Variants in SLC35F4 observed in about 807,000 individuals in gnomAD.
SLC35F4 encodes the protein chromosome 14 open reading frame 36.
In SLC35F4, 24 loss-of-function variants were observed where a neutral mutation model predicts 44.2. That is an observed-to-expected ratio of 0.54 (90% confidence interval 0.39 to 0.76). The LOEUF is 0.76. Among genes scored for constraint, SLC35F4 ranks in the 30% least tolerant of loss-of-function variants. The pLI, the probability that SLC35F4 is intolerant of heterozygous loss-of-function variation, is 0.00. For missense variants in SLC35F4, 562 were observed against 586.1 expected (o/e 0.96, Z 0.42); for synonymous variants, 238 against 223.6 (o/e 1.06, Z -0.57).
In SLC35F4 at chr14:57,979,547, T is replaced by G. The variant is rs138104891; in HGVS notation, n.151+2366A>C. Among the ~76,000 whole-genome samples the G allele has an allele frequency of 3.2e-3, 481 of 152,254 alleles. 10 individuals are homozygous for G. The highest frequency in any genetic ancestry group is 0.025 in the Admixed American group (389 of 15,288). The stretch of plus-strand genomic sequence containing the variant: ...CCCTGCTTCAGGATTCCTCTGAAGC[T>G]ACTAGACCATGCAAAGAATACTCAG... On this transcript the variant is annotated intron_variant and non_coding_transcript_variant, in intron 1 of 1. Transcript: ENST00000554648.
intron 1 of SLC35F4, among the ~76,000 whole-genome samples, chr14:57,937,022 G>T (rs563470694): frequency 6.6e-6 from 1 of 151,264 alleles, no homozygotes; most frequent in East Asian, 1.9e-4. Context: ...TTGAGCTTTA[G>T]CCTTACATTT....
intron 1 of SLC35F4, among the ~76,000 whole-genome samples, chr14:57,667,232 G>A (rs2140255753): frequency 6.6e-6 from 1 of 152,036 alleles, no homozygotes; most frequent in South Asian, 2.1e-4. Flanking sequence ...GAGAAGGAGA[G>A]AGACATGTTC....
At chr14:57,875,910 T>C (rs1040450036) in intron 1 of SLC35F4, among the ~76,000 whole-genome samples, 2 of 152,198 alleles carry the variant, frequency 1.3e-5, no homozygotes, top group African/African-American at 4.8e-5. Context: ...GATGAGAATG[T>C]CCTTTCTGCA....
At chr14:57,741,520 C>T (rs201602016) in intron 1 of SLC35F4, among the ~76,000 whole-genome samples, 14 of 148,534 alleles carry the variant, frequency 9.4e-5, no homozygotes, top group South Asian at 6.6e-4. Context: ...TGAAATGAAG[C>T]GAGAAGAGAA....
At chr14:57,585,057 C>T (rs543357486) in intron 3 of SLC35F4, among the ~76,000 whole-genome samples, 1 of 152,140 alleles carries the variant, frequency 6.6e-6, no homozygotes, top group African/African-American at 2.4e-5. Flanking sequence ...GGGCTCTCCC[C>T]CAATCCAGTA....
Position 57,667,060 on chromosome 14 carries a change from C to T in SLC35F4, c.104-72936G>A, listed in dbSNP as rs78213978. ...CATGTGACTTTTGAGTTAGGCCTTC[C>T]GGGAAGAGAAGGTACCTCCTAGGCA... On this transcript the variant is annotated intron_variant, in intron 1 of 7. Coordinates refer to ENST00000556826, the MANE Select transcript of SLC35F4 (RefSeq NM_001306087.2). Among the ~76,000 whole-genome samples, 395 of 151,442 alleles carry T rather than the reference C, an allele frequency of 2.6e-3. 8 individuals carry two copies. In the East Asian group the frequency reaches 0.053, roughly 20 times the overall value.
At chr14:57,856,863 C>T (rs1475103667) in intron 1 of SLC35F4, among the ~76,000 whole-genome samples, 1 of 152,050 alleles carries the variant, frequency 6.6e-6, no homozygotes. Flanking sequence ...AAGAGTTATA[C>T]AGTATTAATA....
chr14:57,950,675 CTT>C (rs59027196), intron 1 of SLC35F4, among the ~76,000 whole-genome samples: 3 of 127,198 alleles, frequency 2.4e-5, no homozygotes, highest in Non-Finnish European at 1.6e-5. Flanking sequence ...TTCTTTCTTT[CTT>C]TTTTTTTTTT....
At chr14:57,564,851 TCTCCATC>T (rs2068125903) in intron 7 of SLC35F4, among the ~76,000 whole-genome samples, 2 of 152,158 alleles carry the variant, frequency 1.3e-5, no homozygotes, top group Admixed American at 6.5e-5. Flanking sequence ...TCCCCAGATA[TCTCCATC>T]ACTTCAAAAT....
intron 1 of SLC35F4, among the ~76,000 whole-genome samples, chr14:57,840,246 A>G (rs769366195): frequency 6.6e-6 from 1 of 152,186 alleles, no homozygotes; most frequent in Non-Finnish European, 1.5e-5. Context: ...GCCATCCAAA[A>G]CAAAGGATAA....
intron 1 of SLC35F4, among the ~76,000 whole-genome samples, chr14:57,695,300 C>A (rs1056622122): frequency 2.0e-5 from 3 of 151,758 alleles, no homozygotes; most frequent in East Asian, 3.9e-4. Flanking sequence ...CCAGAATCTA[C>A]AATGAACTCA....
At chr14:57,888,153 C>T (rs1008405397) in intron 1 of SLC35F4, among the ~76,000 whole-genome samples, 1 of 152,088 alleles carries the variant, frequency 6.6e-6, no homozygotes, top group African/African-American at 2.4e-5. Flanking sequence ...AGAGTTTATA[C>T]CAAGAAGAAC....
chr14:57,727,750 T>C (rs1216343543), intron 1 of SLC35F4, among the ~76,000 whole-genome samples: 1 of 152,254 alleles, frequency 6.6e-6, no homozygotes, highest in Non-Finnish European at 1.5e-5. Context: ...GAGAAGATGC[T>C]TGATACTATT....
chr14:57,819,665 T>A (rs1566880141), intron 1 of SLC35F4, among the ~76,000 whole-genome samples: 1 of 150,762 alleles, frequency 6.6e-6, no homozygotes, highest in African/African-American at 2.4e-5. Context: ...ATACAAAAAT[T>A]AGCCAGGCAT....
chr14:57,687,383 T>C (rs974598105), intron 1 of SLC35F4, among the ~76,000 whole-genome samples: 17 of 152,224 alleles, frequency 1.1e-4, no homozygotes, highest in African/African-American at 4.1e-4. Flanking sequence ...ATATATCTGC[T>C]ATGTGTATAA....
At chr14:57,809,538 A>T (rs1179920456) in intron 1 of SLC35F4, among the ~76,000 whole-genome samples, 1 of 152,176 alleles carries the variant, frequency 6.6e-6, no homozygotes, top group South Asian at 2.1e-4. Flanking sequence ...ATCCACCCCC[A>T]TCAAAGCCCA....
chr14:57,863,841 C>T (rs944358489), intron 1 of SLC35F4, among the ~76,000 whole-genome samples: 51 of 152,156 alleles, frequency 3.4e-4, no homozygotes, highest in African/African-American at 1.1e-3. Context: ...TTTAACTCTA[C>T]GGTCTGAACT....
At chr14:57,640,243 C>T (rs550754450) in intron 1 of SLC35F4, among the ~76,000 whole-genome samples, 7 of 152,058 alleles carry the variant, frequency 4.6e-5, no homozygotes, top group African/African-American at 1.7e-4. Context: ...TTCCAACATA[C>T]TGGCAACCAA....
intron 1 of SLC35F4, among the ~76,000 whole-genome samples, chr14:57,842,757 T>C (rs556336021): frequency 6.6e-6 from 1 of 152,276 alleles, no homozygotes; most frequent in East Asian, 1.9e-4. Flanking sequence ...GAGTGTCAAT[T>C]TAAATGGATT....
Sources: gnomAD v4.1 joint callset for allele counts (sites outside exome capture counted in the v4.1 genomes callset) on GRCh38, gnomAD v4.1.1 for gene constraint, MANE v1.5 for transcripts, NCBI Gene and HGNC (gene_info 2026-07-23, HGNC 2026-07-21) for gene names.